MAP3K7CL: variants seen among roughly 807,000 people sequenced by gnomAD.
MAP3K7CL encodes the protein MAP3K7 C-terminal-like protein.
In MAP3K7CL, 16 loss-of-function variants were observed where a neutral mutation model predicts 18.6. The ratio of observed to expected loss-of-function variants is 0.86; its 90% confidence interval spans 0.58 to 1.31. The LOEUF (loss-of-function observed/expected upper bound fraction) is 1.31, where lower values mean the gene tolerates loss of function less well. Ranked by LOEUF, MAP3K7CL falls within the 50% of genes most tolerant of loss-of-function variation. The pLI is 0.00. For missense variants in MAP3K7CL, 163 were observed against 174.4 expected (o/e 0.93, Z 0.37); for synonymous variants, 65 against 66.8 (o/e 0.97, Z 0.13).
chr21:29,174,901 T>C lies in MAP3K7CL; in HGVS notation c.*9T>C. 6.2e-7 allele frequency: 1 copy of C among 1,612,810 alleles called. No individual in the cohort carries two copies. The highest frequency in any genetic ancestry group is 8.5e-7 in the Non-Finnish European group (1 of 1,179,272). On this transcript the variant is annotated 3_prime_UTR_variant, in exon 5 of 5. Transcript: ENST00000399928. The stretch of plus-strand genomic sequence containing the variant: ...GGCAGGGCTCGTCCTAACTTTAAAT[T>C]TTTCAGTGTGAGCATACGAGGCTGA...
chr21:29,164,327 T>A (rs2087630682), intron 4 of MAP3K7CL, among the ~76,000 whole-genome samples: 1 of 152,250 alleles, frequency 6.6e-6, no homozygotes, highest in Admixed American at 6.5e-5. Flanking sequence ...TAGTTAGCTC[T>A]CCATTTTTTG....
chr21:29,086,805 C>T (rs924330186), intron 1 of MAP3K7CL, among the ~76,000 whole-genome samples: 1 of 152,148 alleles, frequency 6.6e-6, no homozygotes, highest in Non-Finnish European at 1.5e-5. Context: ...TTGGACTTCA[C>T]ATATTGTATG....
At chr21:29,123,050 A>T (rs140487607) in intron 4 of MAP3K7CL, among the ~76,000 whole-genome samples, 113,848 of 129,084 alleles carry the variant, frequency 0.88, 49,329 homozygotes, top group African/African-American at 0.95. Context: ...TGGAGAAGAA[A>T]TGATCTTTTT....
chr21:29,124,374 A>G (rs2086648780), intron 4 of MAP3K7CL, among the ~76,000 whole-genome samples: 1 of 151,792 alleles, frequency 6.6e-6, no homozygotes, highest in Non-Finnish European at 1.5e-5. Context: ...AAAAAAAAAA[A>G]AAAGAACACA....
In MAP3K7CL at chr21:29,150,771, C is replaced by CTT. The variant is rs34512099; in HGVS notation, c.132+1536_132+1537dup. Among the ~76,000 whole-genome samples the CTT allele has an allele frequency of 4.9e-3, 628 of 127,094 alleles. 11 individuals carry two copies. The highest frequency in any genetic ancestry group is 9.3e-3 in the South Asian group (35 of 3,766). 83.4% of individuals were successfully genotyped at this position (127,094 alleles called of 152,430 possible). A position where few individuals can be genotyped will look rare whatever the true frequency, so the allele number is the denominator to read the frequency against. On this transcript the variant is annotated intron_variant, in intron 3 of 4. Coordinates refer to ENST00000399928, the MANE Select transcript of MAP3K7CL (RefSeq NM_001286620.2). ...CAATTCAGCTCTCCCTCTACCTTTC[C>CTT]TTTTTTTTTTTTTTTTGAGACAGAG...
At chr21:29,091,849 T>C in intron 3 of MAP3K7CL, 1 of 635,662 alleles carries the variant, frequency 1.6e-6, no homozygotes, top group Non-Finnish European at 2.8e-6. Context: ...CCAGGTACTA[T>C]GTATTAATTG....
In MAP3K7CL at chr21:29,174,831, A is replaced by C; in HGVS notation, c.368A>C (p.Gln123Pro). The C allele has an allele frequency of 6.2e-7, 1 of 1,614,170 alleles. No individual in the cohort carries two copies. Among genetic ancestry groups the C allele is most frequent in the Non-Finnish European group, 8.5e-7 (1 of 1,180,008 alleles). Residue 123 changes from glutamine to proline, a missense_variant, in exon 5 of 5, where the codon CAA (glutamine) becomes CCA (proline). Gln to Pro is a moderately conservative substitution (Grantham distance 76). Transcript: ENST00000399928. ...ENRTLRLAQS[Q>P]CVEQLEKLRI... ...CGGACGTTGAGGTTGGCCCAGTCTC[A>C]ATGTGTGGAACAACTGGAGAAACTT...
intron 4 of MAP3K7CL, among the ~76,000 whole-genome samples, chr21:29,120,920 G>T (rs949411238): frequency 7.3e-5 from 11 of 151,524 alleles, no homozygotes; most frequent in Non-Finnish European, 1.2e-4. Flanking sequence ...ACAAAAATTA[G>T]CTAGGCATGG....
chr21:29,093,147 G>A (rs953742851), intron 4 of MAP3K7CL, among the ~76,000 whole-genome samples: 2 of 152,068 alleles, frequency 1.3e-5, no homozygotes, highest in South Asian at 2.1e-4. Flanking sequence ...CAAGTGATCC[G>A]CCCGCCTCGT....
chr21:29,116,622 G>T (rs767460511), intron 4 of MAP3K7CL, among the ~76,000 whole-genome samples: 8 of 152,112 alleles, frequency 5.3e-5, no homozygotes, highest in Non-Finnish European at 1.0e-4. Flanking sequence ...AACCCAAAGA[G>T]AGTACAAACT....
chr21:29,174,044 A>G (rs1303713724), intron 4 of MAP3K7CL, among the ~76,000 whole-genome samples: 1 of 152,246 alleles, frequency 6.6e-6, no homozygotes, highest in South Asian at 2.1e-4. Context: ...ATTATTTACA[A>G]CTATTAACTA....
intron 4 of MAP3K7CL, among the ~76,000 whole-genome samples, chr21:29,103,329 C>T (rs142172637): frequency 2.6e-5 from 4 of 152,168 alleles, no homozygotes; most frequent in South Asian, 2.1e-4. Context: ...TGGTGGCTCA[C>T]GTCTGTCATC....
chr21:29,136,950 T>C (rs933197235), intron 2 of MAP3K7CL, among the ~76,000 whole-genome samples: 2 of 152,274 alleles, frequency 1.3e-5, no homozygotes, highest in Non-Finnish European at 1.5e-5. Context: ...GCATGATTTC[T>C]AGACCTACCT....
At chr21:29,078,744 C>G (rs909439874) in intron 1 of MAP3K7CL, among the ~76,000 whole-genome samples, 2 of 152,112 alleles carry the variant, frequency 1.3e-5, no homozygotes, top group Non-Finnish European at 2.9e-5. Context: ...CCCTGTAAAC[C>G]TCCCTCCCAC....
At chr21:29,108,936 C>T (rs1192486025) in intron 4 of MAP3K7CL, 8 of 1,006,144 alleles carry the variant, frequency 8.0e-6, no homozygotes, top group East Asian at 5.4e-5. Flanking sequence ...ATGAGAAATG[C>T]ATGAATGCTT....
At chr21:29,089,232 T>A (rs1456961700) in intron 1 of MAP3K7CL, among the ~76,000 whole-genome samples, 2 of 134,340 alleles carry the variant, frequency 1.5e-5, no homozygotes, top group Non-Finnish European at 3.1e-5. Context: ...CTGGCATGGA[T>A]CTCCCAGACA....
At position 29,175,685 on chromosome 21, in the gene MAP3K7CL, T is replaced by A. The variant is rs1406203586; in HGVS notation, c.*793T>A. 2 of 152,268 alleles carry A rather than the reference T, an allele frequency of 1.3e-5. No homozygotes were observed. The highest frequency in any genetic ancestry group is 2.9e-5 in the Non-Finnish European group (2 of 68,062). 9.4% of individuals were successfully genotyped at this position (152,268 alleles called of 1,614,324 possible). On this transcript the variant is annotated 3_prime_UTR_variant, in exon 5 of 5. Transcript: ENST00000399928. ...GGGTGAGTGCCCATGAAAACATCAG[T>A]GAACTTGTAACTATTGTTTTGTTTT...
At chr21:29,095,403 A>G (rs1241039913) in intron 4 of MAP3K7CL, among the ~76,000 whole-genome samples, 1 of 152,100 alleles carries the variant, frequency 6.6e-6, no homozygotes, top group Non-Finnish European at 1.5e-5. Flanking sequence ...TCTGCATGTC[A>G]TCTGATCCTC....
In MAP3K7CL at chr21:29,123,085, G is replaced by A. The variant is rs552055153; in HGVS notation, c.371-26104G>A. Among the ~76,000 whole-genome samples the A allele has an allele frequency of 2.7e-3, 302 of 111,958 alleles. 1 individual carries two copies. The highest frequency in any genetic ancestry group is 9.0e-3 in the African/African-American group (288 of 32,138). 73.4% of individuals were successfully genotyped at this position (111,958 alleles called of 152,430 possible). A position where few individuals can be genotyped will look rare whatever the true frequency, so the allele number is the denominator to read the frequency against. On this transcript the variant is annotated intron_variant, in intron 4 of 6. Coordinates refer to the MAP3K7CL transcript ENST00000286791. ...TTTTTTTTTTTTTTTTTTTTGAAAT[G>A]GAGTTTTGCTCTTGTTGCCCAGGCT...
Sources: allele counts gnomAD v4.1 joint callset (sites outside exome capture counted in the v4.1 genomes callset), GRCh38; gene constraint gnomAD v4.1.1; transcripts MANE v1.5; gene names NCBI Gene and HGNC (gene_info 2026-07-23, HGNC 2026-07-21).